Variants in KHDRBS3 observed in about 807,000 individuals in gnomAD.
The protein encoded by KHDRBS3 is KH domain-containing, RNA-binding, signal transduction-associated protein 3.
Under a neutral mutation model 45.6 loss-of-function variants are expected in KHDRBS3, and 23 were observed. That is an observed-to-expected ratio of 0.50 (90% CI 0.36 to 0.72). KHDRBS3 has a LOEUF of 0.72. Among genes scored for constraint, KHDRBS3 ranks in the 30% least tolerant of loss-of-function variants. The pLI is 0.00. For missense variants in KHDRBS3, 352 were observed against 424.8 expected (o/e 0.83, Z 1.51); for synonymous variants, 162 against 156.5 (o/e 1.04, Z -0.26).
At chr8:135,537,002 A>C (rs1825810791) in intron 2 of KHDRBS3, among the ~76,000 whole-genome samples, 1 of 125,500 alleles carries the variant, frequency 8.0e-6, no homozygotes, top group Non-Finnish European at 1.7e-5. Context: ...AAAAAAGGAG[A>C]TGTTTAGGAG....
At chr8:135,653,525 C>T (rs1831471082) in intron 4 of KHDRBS3, among the ~76,000 whole-genome samples, 1 of 152,184 alleles carries the variant, frequency 6.6e-6, no homozygotes. Flanking sequence ...TTTTCTGCAG[C>T]TAGCCATAGT....
At chr8:135,539,480 G>A (rs1825939767) in intron 2 of KHDRBS3, 1 of 152,252 alleles carries the variant, frequency 6.6e-6, no homozygotes, top group African/African-American at 2.4e-5. Flanking sequence ...GTTCTGAAGG[G>A]GATGCAGTTC....
intron 1 of KHDRBS3, among the ~76,000 whole-genome samples, chr8:135,512,562 TAC>T (rs1029948789): frequency 1.0e-3 from 155 of 152,232 alleles, no homozygotes; most frequent in African/African-American, 3.7e-3. Context: ...TAAAACAAGT[TAC>T]AGTTTTTAGA....
At chr8:135,588,112 A>C (rs1828567554) in intron 6 of KHDRBS3, among the ~76,000 whole-genome samples, 1 of 152,166 alleles carries the variant, frequency 6.6e-6, no homozygotes, top group Admixed American at 6.5e-5. Flanking sequence ...GTCCCACTTG[A>C]GGTGCCAGTT....
intron 1 of KHDRBS3, among the ~76,000 whole-genome samples, chr8:135,515,505 C>G (rs1824545901): frequency 6.7e-6 from 1 of 149,480 alleles, no homozygotes; most frequent in Non-Finnish European, 1.5e-5. Flanking sequence ...ACCCTTCCTA[C>G]TCTGCTCTGT....
At chr8:135,511,472 T>A (rs781386475) in intron 1 of KHDRBS3, among the ~76,000 whole-genome samples, 1 of 152,214 alleles carries the variant, frequency 6.6e-6, no homozygotes, top group African/African-American at 2.4e-5. Flanking sequence ...CTCGTGTGTA[T>A]GTTTTAATCT....
At position 135,494,273 on chromosome 8, in the gene KHDRBS3, A is replaced by ATTTTTT. The variant is rs386414089; in HGVS notation, c.89-26946_89-26941dup. 7.0e-4 allele frequency among the ~76,000 whole-genome samples: 55 copies of ATTTTTT among 78,622 alleles called. 4 individuals are homozygous for ATTTTTT. The highest frequency in any genetic ancestry group is 2.5e-3 in the African/African-American group (44 of 17,644). The allele number at this position is 78,622 out of a possible 152,430, so 51.6% of individuals were successfully genotyped here. A position where few individuals can be genotyped will look rare whatever the true frequency, so the allele number is the denominator to read the frequency against. On this transcript the variant is annotated intron_variant, in intron 1 of 8. Coordinates refer to ENST00000355849, the MANE Select transcript of KHDRBS3 (RefSeq NM_006558.3). ...TATTTTTTCCTCTTCTGTTTCTCTT[A>ATTTTTT]TTTTTTTTTTTTTTTTTTTTTTTGA...
At chr8:135,493,333 T>A (rs1259890434) in intron 1 of KHDRBS3, among the ~76,000 whole-genome samples, 1 of 152,104 alleles carries the variant, frequency 6.6e-6, no homozygotes, top group African/African-American at 2.4e-5. Context: ...CCCACTACAG[T>A]GTAGCATAGA....
intron 1 of KHDRBS3, among the ~76,000 whole-genome samples, chr8:135,517,490 G>C (rs570693357): frequency 1.3e-5 from 2 of 152,130 alleles, no homozygotes; most frequent in South Asian, 4.2e-4. Flanking sequence ...TGAGACAGCT[G>C]TCTCAAGATT....
At chr8:135,511,524 AT>A (rs1824282066) in intron 1 of KHDRBS3, among the ~76,000 whole-genome samples, 1 of 151,386 alleles carries the variant, frequency 6.6e-6, no homozygotes, top group Admixed American at 6.6e-5. Flanking sequence ...ACGTACAAAT[AT>A]TTGCTCTGTT....
At chr8:135,617,915 G>A (rs1255597618) in intron 7 of KHDRBS3, among the ~76,000 whole-genome samples, 1 of 152,156 alleles carries the variant, frequency 6.6e-6, no homozygotes, top group South Asian at 2.1e-4. Flanking sequence ...CCTAAAATGT[G>A]TCAGAAGCAC....
chr8:135,458,547 C>T (rs1400193068), intron 1 of KHDRBS3: 1 of 295,888 alleles, frequency 3.4e-6, no homozygotes, highest in African/African-American at 2.2e-5. Context: ...CTTTGTCTCT[C>T]CTGTGTCCAG....
At chr8:135,458,693 G>T in intron 1 of KHDRBS3, 1 of 366,092 alleles carries the variant, frequency 2.7e-6, no homozygotes, top group Non-Finnish European at 5.4e-6. Context: ...AGGGCGTTGG[G>T]TTGGGTGACC....
At chr8:135,654,725 C>T (rs1831497140) in intron 4 of KHDRBS3, among the ~76,000 whole-genome samples, 1 of 152,180 alleles carries the variant, frequency 6.6e-6, no homozygotes, top group Admixed American at 6.5e-5. Flanking sequence ...TTGTTAAGGG[C>T]TGGCCCGTGG....
intron 7 of KHDRBS3, among the ~76,000 whole-genome samples, chr8:135,630,522 A>C (rs1830553917): frequency 1.8e-5 from 1 of 55,848 alleles, no homozygotes; most frequent in Admixed American, 2.2e-4. Context: ...TGTGTTGCTT[A>C]ACAATTGGGA....
intron 1 of KHDRBS3, chr8:135,458,212 T>C: frequency 7.9e-7 from 1 of 1,259,554 alleles, no homozygotes; most frequent in Non-Finnish European, 1.0e-6. Flanking sequence ...CTTTGGGGAC[T>C]CGGGCACACC....
intron 1 of KHDRBS3, among the ~76,000 whole-genome samples, chr8:135,515,553 A>G (rs1473717072): frequency 6.6e-6 from 1 of 151,790 alleles, no homozygotes; most frequent in East Asian, 1.9e-4. Flanking sequence ...GACCTGTATC[A>G]TAGATATATT....
At chr8:135,465,660 T>C (rs1821658768) in intron 1 of KHDRBS3, among the ~76,000 whole-genome samples, 1 of 152,224 alleles carries the variant, frequency 6.6e-6, no homozygotes, top group Non-Finnish European at 1.5e-5. Flanking sequence ...TCTTAAAACA[T>C]GTCTGGACAC....
intron 2 of KHDRBS3, among the ~76,000 whole-genome samples, chr8:135,530,840 T>TTCTAAATTACTA (rs1825437128): frequency 6.6e-6 from 1 of 152,246 alleles, no homozygotes; most frequent in Non-Finnish European, 1.5e-5. Context: ...TTCATTTACT[T>TTCTAAATTACTA]TCTAAATTAT....
Sources: allele counts gnomAD v4.1 joint callset (sites outside exome capture counted in the v4.1 genomes callset), GRCh38; gene constraint gnomAD v4.1.1; transcripts MANE v1.5; gene names NCBI Gene and HGNC (gene_info 2026-07-23, HGNC 2026-07-21).